The following CWH43 variants were observed in gnomAD, a reference collection of about 807,000 sequenced individuals.
The protein encoded by CWH43 is cell wall biogenesis 43 C-terminal homolog.
A neutral mutation model predicts 85.7 loss-of-function variants in CWH43; 91 were observed. The observed-to-expected ratio is 1.06, with a 90% CI of 0.90 to 1.26. The LOEUF is 1.26. CWH43 is among the 50% of genes most tolerant of loss of function. The probability of loss-of-function intolerance (pLI) is 0.00; values close to 1 mark genes in which losing one functional copy is unlikely to be tolerated. For synonymous variants in CWH43, 323 were observed against 293.6 expected (o/e 1.10, Z -1.02); for missense variants, 869 against 839.2 (o/e 1.04, Z -0.44).
intron 8 of CWH43, among the ~76,000 whole-genome samples, chr4:49,010,947 A>T (rs1224377835): frequency 2.0e-5 from 3 of 152,150 alleles, no homozygotes; most frequent in African/African-American, 4.8e-5. Context: ...AAAAATGTAT[A>T]TTCTGTTGAT....
At position 48,986,425 on chromosome 4, in the gene CWH43, C is replaced by T; in HGVS notation, c.-5C>T. The T allele has an allele frequency of 6.5e-7, 1 of 1,545,130 alleles. No homozygotes were observed. The highest frequency in any genetic ancestry group is 8.8e-7 in the Non-Finnish European group (1 of 1,140,854). ...TCCTGGAAAGCGCTGCCCCTCGCCG[C>T]GGCGATGCCCTCGCTGTGGAGAGAA... On this transcript the variant is annotated 5_prime_UTR_variant, in exon 1 of 16. Transcript: ENST00000226432.
chr4:49,009,738 T>C (rs1035500334), intron 8 of CWH43, among the ~76,000 whole-genome samples: 6 of 152,162 alleles, frequency 3.9e-5, no homozygotes, highest in Non-Finnish European at 7.4e-5. Context: ...GATAATCACG[T>C]GGTTTTTGTC....
chr4:49,059,319 A>G (rs190170942), intron 15 of CWH43, among the ~76,000 whole-genome samples: 10 of 151,934 alleles, frequency 6.6e-5, no homozygotes, highest in African/African-American at 1.9e-4. Context: ...TGTGATTTCT[A>G]TCTCTTTATT....
At chr4:49,017,923 C>A (rs1358979203) in intron 9 of CWH43, among the ~76,000 whole-genome samples, 1 of 152,006 alleles carries the variant, frequency 6.6e-6, no homozygotes, top group African/African-American at 2.4e-5. Flanking sequence ...CAACCTCTGC[C>A]TACTGGGTTC....
rs755046724 is a variant in CWH43 at position 48,988,492 on chromosome 4, C to T, written c.59C>T (p.Ser20Phe). ...LESLLGCVSW[S>F]LYHDLGPMIY... ...TTTTTTGTAGGATGTGTTTCTTGGTCTCTCTACCATGACCTGGGACCGATG... is the reference window on the plus strand; with the variant it reads ...TTTTTTGTAGGATGTGTTTCTTGGTTTCTCTACCATGACCTGGGACCGATG... The change falls in exon 2 of 16, where the codon TCT (serine) becomes TTT (phenylalanine). Residue 20 changes from serine to phenylalanine, a missense_variant. This residue lies in a region of CWH43 where 140 missense variants were observed against 122.6 expected (regional missense o/e 1.14). Transcript: ENST00000226432. 3.8e-6 allele frequency: 6 copies of T among 1,559,212 alleles called. No individual in the cohort carries two copies. The African/African-American group carries it at 5.6e-5, about 15-fold the overall frequency.
intron 12 of CWH43, among the ~76,000 whole-genome samples, chr4:49,033,853 T>G (rs997417082): frequency 3.3e-5 from 5 of 152,220 alleles, no homozygotes; most frequent in Admixed American, 3.3e-4. Flanking sequence ...TTTGCCTGCA[T>G]TAATGACATG....
intron 9 of CWH43, among the ~76,000 whole-genome samples, chr4:49,021,067 C>T (rs1317127167): frequency 3.3e-5 from 5 of 152,060 alleles, no homozygotes; most frequent in Non-Finnish European, 7.4e-5. Context: ...AATTAAGCTC[C>T]ATCTATTTAT....
At chr4:49,034,423 G>T (rs1417316766) in intron 12 of CWH43, among the ~76,000 whole-genome samples, 1 of 152,078 alleles carries the variant, frequency 6.6e-6, no homozygotes, top group African/African-American at 2.4e-5. Flanking sequence ...GTAAAGAATA[G>T]GTTTGAAAAG....
intron 15 of CWH43, 78 bp downstream of exon 15, chr4:49,050,927 G>A (rs1784774476): frequency 1.0e-6 from 1 of 1,003,776 alleles, no homozygotes; most frequent in Non-Finnish European, 1.5e-6. Flanking sequence ...CTCAAAATGA[G>A]CTAGAAATTA....
intron 7 of CWH43, among the ~76,000 whole-genome samples, chr4:49,004,605 G>A (rs1783096245): frequency 1.3e-5 from 2 of 152,094 alleles, no homozygotes; most frequent in Admixed American, 6.6e-5. Flanking sequence ...GCACAGGCTG[G>A]TCTTGAACTC....
chr4:49,014,458 C>CAA (rs34790963), intron 8 of CWH43, among the ~76,000 whole-genome samples: 1,897 of 134,278 alleles, frequency 0.014, 33 homozygotes, highest in African/African-American at 0.026. Flanking sequence ...GACTCTGACT[C>CAA]AAAAAAAAAA....
chr4:49,052,866 C>G (rs1326159573), intron 15 of CWH43, among the ~76,000 whole-genome samples: 1 of 152,122 alleles, frequency 6.6e-6, no homozygotes, highest in African/African-American at 2.4e-5. Context: ...AGTCACAATG[C>G]TTTACAATAG....
At position 48,988,598 on chromosome 4, in the gene CWH43, A is replaced by G. The variant is rs1413239748; in HGVS notation, c.165A>G (p.Leu55=). Residue 55 remains leucine (L), a synonymous_variant, in exon 2 of 16, where the codon CTA becomes CTG. Coordinates refer to ENST00000226432, the MANE Select transcript of CWH43 (RefSeq NM_025087.3). ...FSIAFLSPIF[L]TITPFWKLVN... ...TAGCATTTCTTTCTCCAATATTCCT[A>G]ACAATTACTCCTTTCTGGAAATTGG... 1 of 1,613,496 alleles carries G rather than the reference A, an allele frequency of 6.2e-7. No homozygotes were observed. Among genetic ancestry groups the G allele is most frequent in the Admixed American group, 1.7e-5 (1 of 59,986 alleles).
In CWH43 at chr4:48,997,739, A is replaced by G. The variant is rs186228839; in HGVS notation, c.714-721A>G. 5.9e-5 allele frequency among the ~76,000 whole-genome samples: 9 copies of G among 152,234 alleles called. No individual in the cohort carries two copies. In the East Asian group the frequency reaches 1.7e-3, roughly 29 times the overall value. On this transcript the variant is annotated intron_variant, in intron 5 of 15. Transcript: ENST00000226432. The stretch of plus-strand genomic sequence containing the variant: ...TTTCCCCCAGAATTCTCCTCTGCAA[A>G]ATGGGGATAATATTAGCATTTATCT...
chr4:49,038,291 T>G, intron 13 of CWH43, 111 bp downstream of exon 13: 1 of 828,274 alleles, frequency 1.2e-6, no homozygotes, highest in Non-Finnish European at 1.9e-6. Context: ...GTCTATCTAC[T>G]GCTGCCTAGA....
chr4:49,056,979 T>A lies in CWH43; in HGVS notation c.2022-4833T>A, dbSNP rs191619538. Among the ~76,000 whole-genome samples the A allele has an allele frequency of 2.3e-4, 35 of 152,364 alleles. 1 individual carries two copies. The highest frequency in any genetic ancestry group is 8.4e-4 in the African/African-American group (35 of 41,584). On this transcript the variant is annotated intron_variant, in intron 15 of 15. Transcript: ENST00000226432. The stretch of plus-strand genomic sequence containing the variant: ...TTTTCCAATTTTCCTCTTATTAATT[T>A]ATAATTTAACTATTGTTGTTGGAAA...
At chr4:49,026,955 A>G (rs1783934915) in intron 9 of CWH43, among the ~76,000 whole-genome samples, 1 of 152,218 alleles carries the variant, frequency 6.6e-6, no homozygotes, top group South Asian at 2.1e-4. Context: ...TTCTTTAAGG[A>G]ATCTCTAAAC....
intron 12 of CWH43, among the ~76,000 whole-genome samples, chr4:49,034,462 A>T (rs1222788751): frequency 3.3e-5 from 5 of 152,160 alleles, no homozygotes; most frequent in African/African-American, 1.2e-4. Context: ...GAGCCCTAGG[A>T]ATATGCTTGG....
chr4:48,992,183 C>A lies in CWH43; in HGVS notation c.511+93C>A. 1 of 1,091,648 alleles carries A rather than the reference C, an allele frequency of 9.2e-7. No homozygotes were observed. Among genetic ancestry groups the A allele is most frequent in the Non-Finnish European group, 1.3e-6 (1 of 748,412 alleles). 67.6% of individuals were successfully genotyped at this position (1,091,648 alleles called of 1,614,324 possible). On this transcript the variant is annotated intron_variant, in intron 4 of 15. Transcript: ENST00000226432. This position sits in a 1 kb window ranked among gnomAD's most constrained non-coding sequence, Gnocchi z 4.3. ...TGGAAAGAAAATCTATAAAAGTAGT[C>A]TTTCTGCATTATATCTATATTTCAG...
Sources: allele counts gnomAD v4.1 joint callset (sites outside exome capture counted in the v4.1 genomes callset), GRCh38; gene constraint gnomAD v4.1.1; regional missense constraint gnomAD v4.1.1; non-coding constraint Gnocchi (gnomAD v3.1); transcripts MANE v1.5; gene names NCBI Gene and HGNC (gene_info 2026-07-23, HGNC 2026-07-21).